Variants in PTGER3 observed in about 807,000 individuals in gnomAD.
PTGER3 encodes prostaglandin E receptor 3.
Under a neutral mutation model 34.7 loss-of-function variants are expected in PTGER3, and 22 were observed. The observed-to-expected ratio is 0.63, with a 90% confidence interval of 0.45 to 0.91. PTGER3 has a LOEUF of 0.91. Ranked by LOEUF, PTGER3 falls within the 40% of genes least tolerant of loss-of-function variation. The pLI, the probability that PTGER3 is intolerant of heterozygous loss-of-function variation, is 0.00. For missense variants in PTGER3, 468 were observed against 519.4 expected, an observed-to-expected ratio of 0.90 and a Z score of 0.96; for synonymous variants, 241 against 230.1, an observed-to-expected ratio of 1.05 and a Z score of -0.43.
At position 71,047,204 on chromosome 1, in the gene PTGER3, G is replaced by C; in HGVS notation, c.374C>G (p.Pro125Arg). 1 of 1,598,038 alleles carries C rather than the reference G, an allele frequency of 6.3e-7. No individual in the cohort carries two copies. The change falls in exon 1 of 4, where the codon CCG (proline) becomes CGG (arginine). Residue 125 changes from proline (P) to arginine (R), a missense_variant. By Grantham distance (103) the Pro-to-Arg change is moderately radical. Around this residue, in one of 5 missense-constraint regions of PTGER3, gnomAD observed 53 missense variants for 93.9 expected, o/e 0.56. Transcript: ENST00000306666. Reference sequence around the variant, plus strand: ...GAAAAAGGTGCAGAGCCGCCCCGACGGGTCGATGTGCTCCCAACGCTGCTT... The same window carrying C: ...GAAAAAGGTGCAGAGCCGCCCCGACCGGTCGATGTGCTCCCAACGCTGCTT... ...LSKQRWEHID[P>R]SGRLCTFFGL...
chr1:70,929,896 A>T (rs2100491497), intron 4 of PTGER3, among the ~76,000 whole-genome samples: 1 of 152,356 alleles, frequency 6.6e-6, no homozygotes. Context: ...AACTCAAGGT[A>T]GAAGAAACCA....
chr1:71,026,502 G>A (rs1260892536), intron 1 of PTGER3, among the ~76,000 whole-genome samples: 1 of 152,040 alleles, frequency 6.6e-6, no homozygotes, highest in Non-Finnish European at 1.5e-5. Flanking sequence ...TTTATACCAG[G>A]TTTGAAGGAA....
chr1:70,927,174 A>G (rs1648181592), intron 4 of PTGER3, among the ~76,000 whole-genome samples: 1 of 152,204 alleles, frequency 6.6e-6, no homozygotes. Flanking sequence ...CAGCTTTGGT[A>G]TCAGGATGAT....
At chr1:70,903,633 C>T (rs1333769514) in intron 4 of PTGER3, among the ~76,000 whole-genome samples, 1 of 152,158 alleles carries the variant, frequency 6.6e-6, no homozygotes, top group Non-Finnish European at 1.5e-5. Flanking sequence ...CTCAGAGCTA[C>T]CACTTTTCCC....
chr1:70,882,399 C>A (rs1646408954), intron 4 of PTGER3, among the ~76,000 whole-genome samples: 1 of 152,162 alleles, frequency 6.6e-6, no homozygotes, highest in South Asian at 2.1e-4. Context: ...CATCTGGGTG[C>A]TTCCTGGGAC....
At chr1:70,932,172 T>A (rs1183054471) in intron 4 of PTGER3, among the ~76,000 whole-genome samples, 1 of 152,186 alleles carries the variant, frequency 6.6e-6, no homozygotes, top group Admixed American at 6.5e-5. Context: ...TCACCTTTAC[T>A]GCGGTTCCCA....
chr1:71,010,119 A>C, intron 2 of PTGER3: 1 of 985,208 alleles, frequency 1.0e-6, no homozygotes. Context: ...GCAGTTAAGA[A>C]TAAGTGTCAG....
At chr1:70,886,397 G>A (rs948130153) in intron 4 of PTGER3, 69 of 380,908 alleles carry the variant, frequency 1.8e-4, no homozygotes, top group African/African-American at 1.4e-3. Flanking sequence ...TTCCCAAACT[G>A]ACCAAAACAG....
chr1:70,938,634 T>C (rs150208533), intron 4 of PTGER3, among the ~76,000 whole-genome samples: 45 of 152,206 alleles, frequency 3.0e-4, no homozygotes, highest in Non-Finnish European at 5.4e-4. Flanking sequence ...TTCAGAATCA[T>C]GGCAGGAGGT....
Position 71,029,926 on chromosome 1 carries a change from A to AAATAATAATAATAAT in PTGER3, c.897+16740_897+16754dup, listed in dbSNP as rs3044586. Among the ~76,000 whole-genome samples, 123 of 144,120 alleles carry AAATAATAATAATAAT rather than the reference A, an allele frequency of 8.5e-4. 2 individuals are homozygous for AAATAATAATAATAAT. The highest frequency in any genetic ancestry group is 2.9e-3 in the African/African-American group (111 of 38,928). The allele number at this position is 144,120 out of a possible 152,430, so 94.5% of individuals were successfully genotyped here. A position where few individuals can be genotyped will look rare whatever the true frequency, so the allele number is the denominator to read the frequency against. ...GGGTGACAGAGTGAGACTCCATCTC[A>AAATAATAATAATAAT]AATAATAATAATAATAATAATAATA... On this transcript the variant is annotated intron_variant, in intron 1 of 3. Transcript: ENST00000306666.
At chr1:70,856,826 G>T (rs773422299) in intron 4 of PTGER3, among the ~76,000 whole-genome samples, 41 of 152,246 alleles carry the variant, frequency 2.7e-4, no homozygotes, top group Middle Eastern at 3.4e-3. Context: ...ACTGACATTG[G>T]TACAATGTGG....
chr1:70,894,165 C>T (rs942209515), intron 4 of PTGER3, among the ~76,000 whole-genome samples: 9 of 151,736 alleles, frequency 5.9e-5, no homozygotes, highest in South Asian at 2.1e-4. Context: ...AAAAATTAGC[C>T]GGGCGTGGTG....
intron 4 of PTGER3, among the ~76,000 whole-genome samples, chr1:70,911,396 C>T (rs1328862928): frequency 1.3e-5 from 2 of 152,052 alleles, no homozygotes; most frequent in East Asian, 1.9e-4. Context: ...AATATTCTTA[C>T]GGGAACAACA....
intron 4 of PTGER3, among the ~76,000 whole-genome samples, chr1:70,854,147 T>C (rs1427511820): frequency 6.6e-6 from 1 of 152,076 alleles, no homozygotes; most frequent in African/African-American, 2.4e-5. Flanking sequence ...TTAAAGCCTT[T>C]TGCACATGAA....
chr1:70,988,612 A>C (rs1296549328), intron 2 of PTGER3, among the ~76,000 whole-genome samples: 1 of 152,244 alleles, frequency 6.6e-6, no homozygotes, highest in Non-Finnish European at 1.5e-5. Flanking sequence ...ATGTAAACTA[A>C]GAATGACAGC....
chr1:70,974,336 T>C lies in PTGER3; in HGVS notation c.1130A>G (p.Gln377Arg), dbSNP rs766373877. The change falls in exon 3 of 4, where the codon CAG becomes CGG. Residue 377 changes from glutamine (Q) to arginine (R), a missense_variant. Physicochemically the swap from Gln to Arg is conservative, Grantham distance 43. Transcript: ENST00000306666. ...GCTCCACATCAAGGTTGAGGAACAC[T>C]GGCAGGGTAAGGAGGTGGAGCTGGA... ...YASSSTSLPCQCSSTLMWSDH... is the reference protein window; with the variant it reads ...YASSSTSLPCRCSSTLMWSDH... The C allele has an allele frequency of 7.4e-6, 11 of 1,484,602 alleles. No individual in the cohort carries two copies. Among genetic ancestry groups the C allele is most frequent in the African/African-American group, 1.4e-5 (1 of 72,024 alleles). The allele number at this position is 1,484,602 out of a possible 1,614,324, so 92.0% of individuals were successfully genotyped here.
chr1:71,005,363 A>G (rs1656857256), intron 2 of PTGER3, among the ~76,000 whole-genome samples: 2 of 152,192 alleles, frequency 1.3e-5, no homozygotes, highest in Non-Finnish European at 2.9e-5. Flanking sequence ...AAGTGAAAAA[A>G]TATCCTACAA....
intron 4 of PTGER3, among the ~76,000 whole-genome samples, chr1:70,942,325 C>G (rs900343339): frequency 2.6e-5 from 4 of 152,156 alleles, no homozygotes; most frequent in African/African-American, 9.7e-5. Context: ...GAGAAATAAA[C>G]TTGTGTTGTG....
chr1:70,971,201 G>A lies in PTGER3; in HGVS notation c.*529C>T. The A allele has an allele frequency of 4.1e-6, 4 of 985,258 alleles. No individual in the cohort carries two copies. The highest frequency in any genetic ancestry group is 4.8e-6 in the Non-Finnish European group (4 of 829,908). The allele number at this position is 985,258 out of a possible 1,614,324, so 61.0% of individuals were successfully genotyped here. On this transcript the variant is annotated 3_prime_UTR_variant, in exon 4 of 4. Coordinates refer to ENST00000306666, the MANE Select transcript of PTGER3 (RefSeq NM_198719.2). ...CATCTCTAAAACATTAATCATAATT[G>A]GGCACAAATATTTTTTGTCACGATT...
Sources: allele counts gnomAD v4.1 joint callset (sites outside exome capture counted in the v4.1 genomes callset), GRCh38; gene constraint gnomAD v4.1.1; regional missense constraint gnomAD v4.1.1; transcripts MANE v1.5; gene names NCBI Gene and HGNC (gene_info 2026-07-23, HGNC 2026-07-21).